The following TMC4 variants were observed in gnomAD, a reference collection of about 807,000 sequenced individuals.
TMC4 encodes the protein transmembrane channel like 4, also known as voltage-gated chloride channel TMC4.
A neutral mutation model predicts 82.0 loss-of-function variants in TMC4; 70 were observed. That is an observed-to-expected ratio of 0.85 (90% CI 0.70 to 1.04). The LOEUF is 1.04. TMC4 is among the 50% of genes least tolerant of loss of function. The pLI is 0.00. For synonymous variants in TMC4, 446 were observed against 406.0 expected, an observed-to-expected ratio of 1.10 and a Z score of -1.18; for missense variants, 879 against 899.0, an observed-to-expected ratio of 0.98 and a Z score of 0.28.
intron 13 of TMC4, 146 bp downstream of exon 13, chr19:54,160,731 AC>A: frequency 7.1e-7 from 1 of 1,405,376 alleles, no homozygotes; most frequent in Non-Finnish European, 9.6e-7. Flanking sequence ...CCTCCTTCGG[AC>A]CCAGCAGTCC....
intron 2 of TMC4, 91 bp downstream of exon 2, chr19:54,171,779 G>C: frequency 1.7e-6 from 2 of 1,206,644 alleles, no homozygotes; most frequent in Non-Finnish European, 2.3e-6. Context: ...AGCCAGGAGC[G>C]GCAGAGGACA....
In TMC4 at chr19:54,160,547, T is replaced by C; in HGVS notation, c.1974-2A>G. ...GCCACAGTGTACGCCATCAGGATGC[T>C]GAAGGAGACAGGAACGGAAGCCACT... On this transcript the variant is annotated splice_acceptor_variant, in intron 13 of 14. Transcript: ENST00000619895. LOFTEE classifies it high-confidence loss of function. 1.2e-6 allele frequency: 2 copies of C among 1,614,080 alleles called. No homozygotes were observed. The highest frequency in any genetic ancestry group is 1.7e-6 in the Non-Finnish European group (2 of 1,180,000).
Position 54,165,664 on chromosome 19 carries a change from C to T in TMC4, c.798-98G>A, listed in dbSNP as rs149845823. The T allele has an allele frequency of 2.1e-3, 2,973 of 1,410,566 alleles. 30 individuals are homozygous for T. The Admixed American group carries it at 0.028, about 13-fold the overall frequency. 87.4% of individuals were successfully genotyped at this position (1,410,566 alleles called of 1,614,324 possible). A position where few individuals can be genotyped will look rare whatever the true frequency, so the allele number is the denominator to read the frequency against. ...ATTGGGACAAATGGGGAAGATGAAC[C>T]CTAAGGCCTTGGGTACTAGGCGAGT... On this transcript the variant is annotated intron_variant, in intron 5 of 14. Transcript: ENST00000619895.
intron 2 of TMC4, among the ~76,000 whole-genome samples, chr19:54,170,399 CAG>C (rs902679170): frequency 1.3e-5 from 2 of 151,072 alleles, no homozygotes; most frequent in Admixed American, 1.3e-4. Context: ...AAGGGGGTGT[CAG>C]GGGAGGGACG....
intron 11 of TMC4, 117 bp downstream of exon 11, chr19:54,161,985 C>T (rs981318056): frequency 4.0e-5 from 35 of 878,938 alleles, no homozygotes; most frequent in Admixed American, 3.1e-4. Flanking sequence ...GTCCTCCAAC[C>T]CCCTCCTCTC....
intron 4 of TMC4, 64 bp downstream of exon 4, chr19:54,168,384 C>T (rs192257878): frequency 6.6e-7 from 1 of 1,515,968 alleles, no homozygotes. Context: ...GTTTGAGGTT[C>T]GTGTCATTGA....
intron 13 of TMC4, 69 bp from the exon 14 acceptor site, chr19:54,160,614 C>A (rs1341013448): frequency 1.2e-6 from 2 of 1,606,046 alleles, no homozygotes; most frequent in African/African-American, 2.7e-5. Flanking sequence ...CTGGCTCCTT[C>A]GAAGCCAGGG....
At position 54,161,114 on chromosome 19, in the gene TMC4, A is replaced by T; in HGVS notation, c.1817+16T>A. ...GGAGAGAGGGAGGGAGAGAGGCGGG[A>T]GCCTCTCGCACTTACAGGAAGATGC... On this transcript the variant is annotated intron_variant, in intron 12 of 14. Coordinates refer to ENST00000619895, the MANE Select transcript of TMC4 (RefSeq NM_144686.4). 1.3e-6 allele frequency: 2 copies of T among 1,586,290 alleles called. No individual in the cohort carries two copies. The highest frequency in any genetic ancestry group is 1.7e-6 in the Non-Finnish European group (2 of 1,166,162).
At position 54,161,052 on chromosome 19, in the gene TMC4, G is replaced by A. The variant is rs755223683; in HGVS notation, c.1818-19C>T. 6.2e-7 allele frequency: 1 copy of A among 1,613,860 alleles called. No individual in the cohort carries two copies. The highest frequency in any genetic ancestry group is 1.1e-5 in the South Asian group (1 of 91,038). ...CGGGATCCTGAAGTCAAGACAGGCTGGGCTCACATAGTGCCAGGAGTCTGA... is the reference window on the plus strand; with the variant it reads ...CGGGATCCTGAAGTCAAGACAGGCTAGGCTCACATAGTGCCAGGAGTCTGA... On this transcript the variant is annotated intron_variant, in intron 12 of 14. Transcript: ENST00000619895.
In TMC4 at chr19:54,160,286, C is replaced by A. The variant is rs984429303; in HGVS notation, c.*20G>T. On this transcript the variant is annotated 3_prime_UTR_variant, in exon 15 of 15. Coordinates refer to ENST00000619895, the MANE Select transcript of TMC4 (RefSeq NM_144686.4). Reference sequence around the variant, plus strand: ...TTACAATGGGCCTGGGGTCTGAAAGCGGGACGTGGGCTGCGGGGGTCAAAG... The same window carrying A: ...TTACAATGGGCCTGGGGTCTGAAAGAGGGACGTGGGCTGCGGGGGTCAAAG... 2 of 1,511,954 alleles carry A rather than the reference C, an allele frequency of 1.3e-6. No homozygotes were observed. The highest frequency in any genetic ancestry group is 2.3e-5 in the Admixed American group (1 of 44,032). The allele number at this position is 1,511,954 out of a possible 1,614,324, so 93.7% of individuals were successfully genotyped here.
In TMC4 at chr19:54,164,587, C is replaced by T. The variant is rs939041450; in HGVS notation, c.960G>A (p.Glu320=). 2.5e-6 allele frequency: 4 copies of T among 1,613,290 alleles called. No homozygotes were observed. The African/African-American group carries it at 4.0e-5, about 16-fold the overall frequency. Residue 320 remains glutamate, a synonymous_variant, in exon 7 of 15, where the codon GAG becomes GAA. Coordinates refer to ENST00000619895, the MANE Select transcript of TMC4 (RefSeq NM_144686.4). ...ILYELKVELE[E]TVVRRQAAVR... ...CCGCAGCCTGGCGCCGCACCACTGT[C>T]TCCTCCAGCTCCACCTGAAGGCAGG...
chr19:54,163,308 C>A, intron 8 of TMC4, 149 bp from the exon 9 acceptor site: 46 of 592,136 alleles, frequency 7.8e-5, no homozygotes, highest in Non-Finnish European at 1.2e-4. Context: ...TTCTTTCTTT[C>A]TTTTTTTTTT....
chr19:54,172,558 G>A (rs2075932187), intron 1 of TMC4, among the ~76,000 whole-genome samples: 1 of 149,544 alleles, frequency 6.7e-6, no homozygotes, highest in Non-Finnish European at 1.5e-5. Context: ...TCAGACATAG[G>A]AATCCAGGCA....
intron 3 of TMC4, 22 bp from the exon 4 acceptor site, chr19:54,168,702 G>T: frequency 6.9e-7 from 1 of 1,450,946 alleles, no homozygotes. Context: ...AGCAGAGAGA[G>T]GCTCAGGTTC....
chr19:54,162,402 G>A (rs1456895047), intron 10 of TMC4, 117 bp from the exon 11 acceptor site: 7 of 780,798 alleles, frequency 9.0e-6, no homozygotes, highest in South Asian at 5.8e-5. Context: ...GGGGGGGGGG[G>A]GCGGGACTTT....
Position 54,162,244 on chromosome 19 carries a change from G to A in TMC4, c.1544C>T (p.Ala515Val). ...GLCPGALGRL[A>V]GTQEFQVPDE... ...GGGCACCTGGAACTCTTGGGTCCCC[G>A]CCAGACGACCCAGCGCCCCAGGACA... Residue 515 changes from alanine (A) to valine (V), a missense_variant, in exon 11 of 15, where the codon GCG (alanine) becomes GTG (valine). Ala to Val is a moderately conservative substitution (Grantham distance 64). Coordinates refer to ENST00000619895, the MANE Select transcript of TMC4 (RefSeq NM_144686.4). 1 of 1,607,270 alleles carries A rather than the reference G, an allele frequency of 6.2e-7. No individual in the cohort carries two copies. Among genetic ancestry groups the A allele is most frequent in the Non-Finnish European group, 8.5e-7 (1 of 1,177,352 alleles).
chr19:54,168,718 C>A, intron 3 of TMC4, 38 bp from the exon 4 acceptor site: 2 of 1,401,646 alleles, frequency 1.4e-6, no homozygotes, highest in Non-Finnish European at 1.9e-6. Context: ...GGTTCCTTCC[C>A]GGGAGCAGGA....
intron 7 of TMC4, 99 bp downstream of exon 7, chr19:54,164,331 CCTCT>C (rs1272731595): frequency 1.4e-5 from 20 of 1,403,570 alleles, no homozygotes; most frequent in Admixed American, 6.4e-5. Flanking sequence ...TCCCATACTT[CCTCT>C]CTAAGATCTC....
chr19:54,168,574 G>A lies in TMC4; in HGVS notation c.549C>T (p.Thr183=). Residue 183 remains threonine, a synonymous_variant, in exon 4 of 15, where the codon ACC becomes ACT. Coordinates refer to ENST00000619895, the MANE Select transcript of TMC4 (RefSeq NM_144686.4). ...VLMACMTLLP[T]WLGGAPPGPP... Reference sequence around the variant, plus strand: ...GGCCTGGGGGAGCGCCTCCCAACCAGGTGGGCAGCAGCGTCATGCAGGCCA... The same window carrying A: ...GGCCTGGGGGAGCGCCTCCCAACCAAGTGGGCAGCAGCGTCATGCAGGCCA... 2 of 1,586,362 alleles carry A rather than the reference G, an allele frequency of 1.3e-6. No homozygotes were observed. The highest frequency in any genetic ancestry group is 1.7e-6 in the Non-Finnish European group (2 of 1,166,934).
Sources: allele counts gnomAD v4.1 joint callset (sites outside exome capture counted in the v4.1 genomes callset), GRCh38; gene constraint gnomAD v4.1.1; transcripts MANE v1.5; gene names NCBI Gene and HGNC (gene_info 2026-07-23, HGNC 2026-07-21).